The following ANKAR variants were observed in gnomAD, a reference collection of about 807,000 sequenced individuals.
The protein encoded by ANKAR is ankyrin and armadillo repeat containing.
A neutral mutation model predicts 146.2 loss-of-function variants in ANKAR; 136 were observed. The ratio of observed to expected loss-of-function variants is 0.93; its 90% CI spans 0.81 to 1.07. The LOEUF (loss-of-function observed/expected upper bound fraction) is 1.07, where lower values mean the gene tolerates loss of function less well. Among genes scored for constraint, ANKAR ranks in the 50% least tolerant of loss-of-function variants. The probability of loss-of-function intolerance (pLI) is 0.00; values close to 1 mark genes in which losing one functional copy is unlikely to be tolerated. For missense variants in ANKAR, 1,567 were observed against 1,679.9 expected, an observed-to-expected ratio of 0.93 and a Z score of 1.18; for synonymous variants, 500 against 575.8, an observed-to-expected ratio of 0.87 and a Z score of 1.88.
chr2:189,696,125 C>T, intron 6 of ANKAR, 25 bp from the exon 7 acceptor site: 1 of 1,606,534 alleles, frequency 6.2e-7, no homozygotes, highest in Non-Finnish European at 8.5e-7. Flanking sequence ...TTTTGATAAA[C>T]TGATTCTGGC....
At chr2:189,746,739 C>A, downstream of ANKAR, 1 of 1,165,188 alleles carries the variant, frequency 8.6e-7, no homozygotes, top group Non-Finnish European at 1.2e-6. Context: ...AATGAAAGTT[C>A]TTGATCTCGA....
intron 10 of ANKAR, among the ~76,000 whole-genome samples, chr2:189,713,561 C>A (rs1222861906): frequency 1.3e-5 from 2 of 152,102 alleles, no homozygotes; most frequent in African/African-American, 4.8e-5. Context: ...ACAAGCAAAT[C>A]CTGAGAGATT....
chr2:189,732,056 T>C (rs1280978293), intron 16 of ANKAR, among the ~76,000 whole-genome samples: 1 of 152,212 alleles, frequency 6.6e-6, no homozygotes, highest in Non-Finnish European at 1.5e-5. Flanking sequence ...TATATTTCAG[T>C]ACATATTTTC....
chr2:189,752,517 G>T, intron 18 of ANKAR: 3 of 795,880 alleles, frequency 3.8e-6, no homozygotes, highest in Non-Finnish European at 6.0e-6. Context: ...CCTTAACTAG[G>T]TTCATGAAAG....
chr2:189,730,667 G>A lies in ANKAR; in HGVS notation c.3300+66G>A, dbSNP rs1048783653. ...ACAAATATAATTTTAAGAAAATTTTGTATCTTTATTCAAGTTCATAAACAT... is the reference window on the plus strand; with the variant it reads ...ACAAATATAATTTTAAGAAAATTTTATATCTTTATTCAAGTTCATAAACAT... On this transcript the variant is annotated intron_variant, in intron 16 of 22. Coordinates refer to ENST00000684021, the MANE Select transcript of ANKAR (RefSeq NM_001378068.1). 10 of 783,842 alleles carry A rather than the reference G, an allele frequency of 1.3e-5. No individual in the cohort carries two copies. In the African/African-American group the frequency reaches 1.8e-4, roughly 14 times the overall value. The allele number at this position is 783,842 out of a possible 1,614,324, so 48.6% of individuals were successfully genotyped here.
chr2:189,747,418 AT>A (rs2044311592), downstream of ANKAR: 1 of 152,024 alleles, frequency 6.6e-6, no homozygotes, highest in Admixed American at 6.6e-5. Context: ...TAAAACAAAA[AT>A]TTTTTAAAAG....
chr2:189,760,415 G>A (rs976499205), intron 18 of ANKAR, among the ~76,000 whole-genome samples: 10 of 152,172 alleles, frequency 6.6e-5, no homozygotes, highest in Non-Finnish European at 1.5e-4. Context: ...CGGCTGCTGG[G>A]CGGGGGCGCC....
At chr2:189,689,198 A>T (rs183803155) in intron 2 of ANKAR, among the ~76,000 whole-genome samples, 8 of 152,194 alleles carry the variant, frequency 5.3e-5, no homozygotes, top group Non-Finnish European at 8.8e-5. Context: ...CAGTCTTATG[A>T]TCTGTATTTT....
downstream of ANKAR, among the ~76,000 whole-genome samples, chr2:189,749,290 T>G (rs200565757): frequency 2.9e-3 from 1 of 348 alleles, no homozygotes; most frequent in African/African-American, 5.0e-3. Flanking sequence ...TACTCCACGG[T>G]TTTTTTTTTT....
Position 189,707,452 on chromosome 2 carries a change from C to CAAAA in ANKAR, c.2119+326_2119+329dup, listed in dbSNP as rs67227035. Among the ~76,000 whole-genome samples the CAAAA allele has an allele frequency of 8.8e-3, 637 of 72,032 alleles. 13 individuals are homozygous for CAAAA. The highest frequency in any genetic ancestry group is 0.034 in the East Asian group (75 of 2,212). 47.3% of individuals were successfully genotyped at this position (72,032 alleles called of 152,430 possible). A position where few individuals can be genotyped will look rare whatever the true frequency, so the allele number is the denominator to read the frequency against. On this transcript the variant is annotated intron_variant, in intron 9 of 22. Transcript: ENST00000684021. ...GAAGTTCAAACATCCTCTCCTTCAT[C>CAAAA]AAAAAAAAAAAAAAAAAAAAAAAGG...
intron 15 of ANKAR, 67 bp from the exon 16 acceptor site, chr2:189,730,428 G>A: frequency 1.1e-6 from 1 of 947,454 alleles, no homozygotes; most frequent in Admixed American, 2.6e-5. Flanking sequence ...AAAATATCAA[G>A]CTATGTTTGA....
chr2:189,701,184 C>T (rs2038001338), intron 7 of ANKAR, among the ~76,000 whole-genome samples: 2 of 151,804 alleles, frequency 1.3e-5, no homozygotes, highest in East Asian at 1.9e-4. Context: ...TCTTCTTTTC[C>T]TTTCTCTCTT....
chr2:189,704,954 T>C, intron 7 of ANKAR, 69 bp from the exon 8 acceptor site: 4 of 1,436,648 alleles, frequency 2.8e-6, no homozygotes, highest in South Asian at 2.3e-5. Context: ...TGGATATCAA[T>C]AAGGCATTTA....
chr2:189,750,452 A>T (rs114137937), downstream of ANKAR: 486,475 of 507,850 alleles, frequency 0.96, 232,657 homozygotes, highest in Admixed American at 0.97. Context: ...CATCAAATAG[A>T]AAAAAAAAAA....
intron 9 of ANKAR, among the ~76,000 whole-genome samples, chr2:189,709,055 C>T (rs1378661138): frequency 6.6e-6 from 1 of 151,854 alleles, no homozygotes; most frequent in Admixed American, 6.6e-5. Context: ...GAACCGAGAT[C>T]GTGCCACTAC....
chr2:189,759,512 A>T (rs935391415), intron 18 of ANKAR, among the ~76,000 whole-genome samples: 2 of 152,140 alleles, frequency 1.3e-5, no homozygotes, highest in African/African-American at 2.4e-5. Context: ...GGCCTCCCAA[A>T]GTGATGCGAT....
At chr2:189,727,779 A>T in intron 12 of ANKAR, 77 bp from the exon 13 acceptor site, 1 of 1,476,126 alleles carries the variant, frequency 6.8e-7, no homozygotes, top group Non-Finnish European at 9.1e-7. Context: ...ATAATATGGG[A>T]AACTAATGAT....
chr2:189,761,481 C>T (rs1359356968), downstream of ANKAR: 1 of 1,612,780 alleles, frequency 6.2e-7, no homozygotes, highest in Non-Finnish European at 8.5e-7. Flanking sequence ...GTTTCATCCA[C>T]CACAGCAGCT....
rs2042074003 is a variant in ANKAR at position 189,728,249 on chromosome 2, A to T, written c.2878-18A>T. The stretch of plus-strand genomic sequence containing the variant: ...TCAATAAATGTTCACTGAATTAATG[A>T]AATATTTTTAAAAATAGGCATTTCA... On this transcript the variant is annotated intron_variant, in intron 13 of 22. Transcript: ENST00000684021. 1.3e-6 allele frequency: 2 copies of T among 1,577,060 alleles called. No homozygotes were observed. The highest frequency in any genetic ancestry group is 4.5e-5 in the East Asian group (2 of 44,310).
Sources: allele counts gnomAD v4.1 joint callset (sites outside exome capture counted in the v4.1 genomes callset), GRCh38; gene constraint gnomAD v4.1.1; transcripts MANE v1.5; gene names NCBI Gene and HGNC (gene_info 2026-07-23, HGNC 2026-07-21).